FANCC: variants seen among roughly 807,000 people sequenced by gnomAD.
FANCC encodes Fanconi anemia group C protein.
FANCC carries 55 observed loss-of-function variants against 71.3 expected under a neutral mutation model. That is an observed-to-expected ratio of 0.77 (90% CI 0.62 to 0.97). The LOEUF (loss-of-function observed/expected upper bound fraction) is 0.97, where lower values mean the gene tolerates loss of function less well. Among genes scored for constraint, FANCC ranks in the 50% least tolerant of loss-of-function variants. The probability of loss-of-function intolerance (pLI) is 0.00; values close to 1 mark genes in which losing one functional copy is unlikely to be tolerated. For synonymous variants in FANCC, 275 were observed against 244.9 expected (o/e 1.12, Z -1.15); for missense variants, 678 against 670.9 (o/e 1.01, Z -0.12).
intron 4 of FANCC, among the ~76,000 whole-genome samples, chr9:95,185,218 A>G (rs1316328112): frequency 6.6e-6 from 1 of 152,246 alleles, no homozygotes; most frequent in East Asian, 1.9e-4. Context: ...GAATTAAAAG[A>G]TATTCCAACA....
At chr9:95,300,162 C>T (rs34115390) in intron 1 of FANCC, among the ~76,000 whole-genome samples, 4 of 152,156 alleles carry the variant, frequency 2.6e-5, no homozygotes, top group African/African-American at 9.7e-5. Context: ...CAGCAAGTAT[C>T]GTATTTACCC....
At chr9:95,293,824 C>T in intron 1 of FANCC, 1 of 1,613,200 alleles carries the variant, frequency 6.2e-7, no homozygotes, top group Non-Finnish European at 8.5e-7. Context: ...GAAACTCAAA[C>T]CAGTGGGATA....
chr9:95,231,497 C>CT (rs1293077944), intron 4 of FANCC, among the ~76,000 whole-genome samples: 6 of 152,154 alleles, frequency 3.9e-5, no homozygotes, highest in Non-Finnish European at 8.8e-5. Context: ...GGGAAGCACT[C>CT]CAGCAGGGAC....
At chr9:95,269,896 G>A (rs962122362) in intron 1 of FANCC, among the ~76,000 whole-genome samples, 4 of 152,048 alleles carry the variant, frequency 2.6e-5, no homozygotes, top group Admixed American at 6.5e-5. Flanking sequence ...GGGAACCAGC[G>A]TTCAGCATAT....
At chr9:95,134,786 G>A (rs1321250332) in intron 8 of FANCC, among the ~76,000 whole-genome samples, 1 of 152,252 alleles carries the variant, frequency 6.6e-6, no homozygotes, top group Non-Finnish European at 1.5e-5. Context: ...GGATGTCCAC[G>A]TGGGCTGGAG....
intron 1 of FANCC, among the ~76,000 whole-genome samples, chr9:95,251,369 T>C (rs1164500319): frequency 6.6e-6 from 1 of 152,138 alleles, no homozygotes; most frequent in African/African-American, 2.4e-5. Context: ...AGGCTGGAGT[T>C]AAGTGGTGCG....
chr9:95,278,824 C>G (rs953088389), intron 1 of FANCC, among the ~76,000 whole-genome samples: 1 of 27,996 alleles, frequency 3.6e-5, no homozygotes, highest in Non-Finnish European at 8.0e-5. Flanking sequence ...AGAGTAGCCA[C>G]TAAAAAAAAA....
chr9:95,130,702 G>C (rs1328156383), intron 8 of FANCC, among the ~76,000 whole-genome samples: 2 of 152,138 alleles, frequency 1.3e-5, no homozygotes, highest in African/African-American at 2.4e-5. Flanking sequence ...AGCTGTTTCC[G>C]AGCCACTGTT....
intron 4 of FANCC, among the ~76,000 whole-genome samples, chr9:95,228,386 T>C (rs1318057276): frequency 6.6e-6 from 1 of 152,182 alleles, no homozygotes; most frequent in African/African-American, 2.4e-5. Context: ...CTAACTGGAG[T>C]GATCACTATT....
At chr9:95,184,166 T>G (rs1235828597) in intron 4 of FANCC, among the ~76,000 whole-genome samples, 2 of 152,126 alleles carry the variant, frequency 1.3e-5, no homozygotes, top group Non-Finnish European at 1.5e-5. Context: ...ATTAAATGAA[T>G]TTTATTTATT....
At chr9:95,236,052 GGACA>G (rs1243639896) in intron 4 of FANCC, among the ~76,000 whole-genome samples, 2 of 151,988 alleles carry the variant, frequency 1.3e-5, no homozygotes, top group Admixed American at 1.3e-4. Flanking sequence ...AGAAAGTAGA[GGACA>G]GACGCTATCT....
rs372390359 is a variant in FANCC at position 95,136,071 on chromosome 9, G to A, written c.687-569C>T. On this transcript the variant is annotated intron_variant, in intron 7 of 14. Coordinates refer to ENST00000289081, the MANE Select transcript of FANCC (RefSeq NM_000136.3). Reference sequence around the variant, plus strand: ...AAATATCCAATAACTAATTATAATCGGTTGCTTGAAAGTTGAAAATATTTC... The same window carrying A: ...AAATATCCAATAACTAATTATAATCAGTTGCTTGAAAGTTGAAAATATTTC... 9.6e-4 allele frequency among the ~76,000 whole-genome samples: 146 copies of A among 152,142 alleles called. 2 individuals carry two copies. Among genetic ancestry groups the A allele is most frequent in the African/African-American group, 3.4e-3 (143 of 41,492 alleles).
rs574174506 is a variant in FANCC, at chr9:95,293,659, G to A, written c.-79+23867C>T. Reference sequence around the variant, plus strand: ...ACCGCTGATTCCTCTGTGTCGTCTTGTTCTCAAACTGATTTGTTGTTTGAT... The same window carrying A: ...ACCGCTGATTCCTCTGTGTCGTCTTATTCTCAAACTGATTTGTTGTTTGAT... On this transcript the variant is annotated intron_variant, in intron 1 of 14. Coordinates refer to ENST00000289081, the MANE Select transcript of FANCC (RefSeq NM_000136.3). 5.5e-5 allele frequency: 89 copies of A among 1,614,158 alleles called. 2 individuals carry two copies. In the South Asian group the frequency reaches 8.5e-4, roughly 15 times the overall value.
Position 95,107,718 on chromosome 9 carries a change from T to C in FANCC, c.1330-449A>G, listed in dbSNP as rs143811059. 2.2e-3 allele frequency among the ~76,000 whole-genome samples: 327 copies of C among 151,868 alleles called. 1 individual carries two copies. The highest frequency in any genetic ancestry group is 6.7e-3 in the African/African-American group (279 of 41,388). On this transcript the variant is annotated intron_variant, in intron 13 of 14. Transcript: ENST00000289081. ...CCTTTGCTTCTTGCTATATTGGGGG[T>C]CAGGGCGGGGGGTCGGGGGGAACAC...
intron 3 of FANCC, among the ~76,000 whole-genome samples, chr9:95,242,479 CAA>C (rs1162048314): frequency 1.4e-4 from 8 of 56,250 alleles, no homozygotes; most frequent in African/African-American, 2.0e-4. Context: ...CATTCACCAC[CAA>C]AAAAAAAAAA....
chr9:95,111,191 A>G (rs1184830244), intron 13 of FANCC: 7 of 1,536,166 alleles, frequency 4.6e-6, no homozygotes, highest in Non-Finnish European at 6.1e-6. Flanking sequence ...CTGAGCAATA[A>G]CAGATCAAAT....
intron 11 of FANCC, among the ~76,000 whole-genome samples, chr9:95,117,028 G>A (rs2072474235): frequency 6.6e-6 from 1 of 152,228 alleles, no homozygotes; most frequent in Non-Finnish European, 1.5e-5. Flanking sequence ...GATCTGGTTG[G>A]CACCAGAAGA....
chr9:95,315,220 G>T (rs552219589), intron 1 of FANCC, among the ~76,000 whole-genome samples: 1 of 152,150 alleles, frequency 6.6e-6, no homozygotes, highest in African/African-American at 2.4e-5. Flanking sequence ...TGGCCAATCT[G>T]AATTGTTACC....
At chr9:95,293,640 G>A in intron 1 of FANCC, 2 of 1,614,190 alleles carry the variant, frequency 1.2e-6, no homozygotes, top group Non-Finnish European at 1.7e-6. Context: ...GGCCACCGCT[G>A]ATTCCTCTGT....
Sources: gnomAD v4.1 joint callset for allele counts (sites outside exome capture counted in the v4.1 genomes callset) on GRCh38, gnomAD v4.1.1 for gene constraint, MANE v1.5 for transcripts, NCBI Gene and HGNC (gene_info 2026-07-23, HGNC 2026-07-21) for gene names.